The following TNFRSF8 variants were observed in gnomAD, a reference collection of about 807,000 sequenced individuals.
TNFRSF8 encodes tumor necrosis factor receptor superfamily member 8.
A neutral mutation model predicts 70.8 loss-of-function variants in TNFRSF8; 26 were observed. That is an observed-to-expected ratio of 0.37 (90% confidence interval 0.27 to 0.51). The LOEUF (loss-of-function observed/expected upper bound fraction) is 0.51. TNFRSF8 is among the 20% of genes least tolerant of loss of function. The pLI is 0.94. For synonymous variants in TNFRSF8, 356 were observed against 339.2 expected (o/e 1.05, Z -0.54); for missense variants, 720 against 807.9 (o/e 0.89, Z 1.32).
rs1319325003 is a variant in TNFRSF8 at position 12,123,366 on chromosome 1, G to A, written c.1029G>A (p.Glu343=). The A allele has an allele frequency of 2.5e-6, 4 of 1,609,896 alleles. No individual in the cohort carries two copies. In the East Asian group the frequency reaches 8.9e-5, roughly 36 times the overall value. The change falls in exon 9 of 15, where the codon GAG becomes GAA. Residue 343 remains glutamate (E), a synonymous_variant. Coordinates refer to ENST00000263932, the MANE Select transcript of TNFRSF8 (RefSeq NM_001243.5). ...PDCNPTPENG[E]APASTSPTQS... The stretch of plus-strand genomic sequence containing the variant: ...GCAACCCCACCCCAGAGAATGGCGA[G>A]GCGCCTGCCAGGTGACTCCCCCACC...
At chr1:12,134,293 G>C (rs1391634860) in intron 12 of TNFRSF8, among the ~76,000 whole-genome samples, 1 of 152,164 alleles carries the variant, frequency 6.6e-6, no homozygotes, top group Admixed American at 6.5e-5. Context: ...CCTGACAACA[G>C]CATATTCCAG....
At chr1:12,102,422 C>T (rs863640) in intron 3 of TNFRSF8, among the ~76,000 whole-genome samples, 1,617 of 152,300 alleles carry the variant, frequency 0.011, 24 homozygotes, top group African/African-American at 0.037. Context: ...CTCTGCCTTC[C>T]GTATTTCGGG....
At chr1:12,106,678 C>T (rs533645283) in intron 4 of TNFRSF8, among the ~76,000 whole-genome samples, 7 of 152,112 alleles carry the variant, frequency 4.6e-5, no homozygotes, top group African/African-American at 1.7e-4. Flanking sequence ...ATTCCAGGGT[C>T]GGGGGAGAGC....
intron 12 of TNFRSF8, among the ~76,000 whole-genome samples, chr1:12,132,166 C>T (rs1350834691): frequency 1.3e-5 from 2 of 152,226 alleles, no homozygotes; most frequent in East Asian, 3.8e-4. Flanking sequence ...GCCCCACACC[C>T]AGTTTCCTCT....
Position 12,088,874 on chromosome 1 carries a change from C to T in TNFRSF8, c.151+4323C>T, listed in dbSNP as rs764879077. 4.6e-5 allele frequency among the ~76,000 whole-genome samples: 7 copies of T among 152,180 alleles called. No homozygotes were observed. Among genetic ancestry groups the T allele is most frequent in the Non-Finnish European group, 5.9e-5 (4 of 68,018 alleles). On this transcript the variant is annotated intron_variant, in intron 2 of 14. Transcript: ENST00000263932. This position sits in a 1 kb window ranked among gnomAD's most constrained non-coding sequence, Gnocchi z 4.0. ...TTGGCATGACAGCTGCTGCCCCTGC[C>T]GCCTCCCCCTCCCCCGCCCAGTCCC...
intron 10 of TNFRSF8, among the ~76,000 whole-genome samples, chr1:12,124,150 G>A (rs191306260): frequency 1.8e-4 from 27 of 152,148 alleles, no homozygotes; most frequent in Admixed American, 7.2e-4. Context: ...GTTTACAGGC[G>A]CTTGCCACCA....
chr1:12,104,713 C>T (rs2100996114), intron 4 of TNFRSF8, among the ~76,000 whole-genome samples, 182 bp downstream of exon 4: 1 of 152,340 alleles, frequency 6.6e-6, no homozygotes, highest in African/African-American at 2.4e-5. Context: ...CTGCCCTCCC[C>T]CACCTTGTGT....
intron 1 of TNFRSF8, among the ~76,000 whole-genome samples, chr1:12,072,988 G>A (rs563805354): frequency 1.3e-5 from 2 of 152,338 alleles, no homozygotes; most frequent in African/African-American, 4.8e-5. Flanking sequence ...AGAGGGAGGT[G>A]GGCAAGGAAA....
intron 12 of TNFRSF8, among the ~76,000 whole-genome samples, chr1:12,130,816 A>G (rs1642034386): frequency 1.3e-5 from 2 of 152,260 alleles, no homozygotes; most frequent in Admixed American, 6.5e-5. Context: ...TCCAAAAGGC[A>G]AGGAAACCAA....
At chr1:12,101,577 T>C (rs1641423649) in intron 3 of TNFRSF8, among the ~76,000 whole-genome samples, 1 of 152,220 alleles carries the variant, frequency 6.6e-6, no homozygotes, top group East Asian at 1.9e-4. Context: ...GGTTTGTTTA[T>C]ACCAACATCT....
chr1:12,079,669 A>G (rs1333455785), intron 1 of TNFRSF8, among the ~76,000 whole-genome samples: 1 of 152,158 alleles, frequency 6.6e-6, no homozygotes, highest in Non-Finnish European at 1.5e-5. Flanking sequence ...ATGGGGCCCT[A>G]AGTCCTCTGC....
At chr1:12,084,331 A>G in intron 1 of TNFRSF8, 133 bp from the exon 2 acceptor site, 1 of 801,078 alleles carries the variant, frequency 1.2e-6, no homozygotes. Context: ...GGGTTTGTGG[A>G]ATCAGGAGTT....
intron 1 of TNFRSF8, among the ~76,000 whole-genome samples, chr1:12,070,158 G>A (rs1216013833): frequency 9.2e-6 from 1 of 109,152 alleles, no homozygotes; most frequent in African/African-American, 3.4e-5. Flanking sequence ...GGGGCTGGGG[G>A]ATTGGGGGGA....
At chr1:12,140,365 C>CA (rs1428595920) in intron 14 of TNFRSF8, among the ~76,000 whole-genome samples, 1 of 152,210 alleles carries the variant, frequency 6.6e-6, no homozygotes, top group Non-Finnish European at 1.5e-5. Context: ...AGAGGGGTCA[C>CA]ACTGGGGTCT....
intron 12 of TNFRSF8, among the ~76,000 whole-genome samples, chr1:12,129,887 G>A (rs1430408632): frequency 6.6e-6 from 1 of 152,078 alleles, no homozygotes. Flanking sequence ...TTCTTCAGCA[G>A]ACCTTCATTT....
At chr1:12,075,953 C>T (rs939002822) in intron 1 of TNFRSF8, among the ~76,000 whole-genome samples, 1 of 152,202 alleles carries the variant, frequency 6.6e-6, no homozygotes, top group Non-Finnish European at 1.5e-5. Flanking sequence ...TCCCAGCATA[C>T]AGTAAAACTC....
At position 12,142,298 on chromosome 1, in the gene TNFRSF8, A is replaced by G. The variant is rs533572434; in HGVS notation, c.1555A>G (p.Ile519Val). The change falls in exon 15 of 15, where the codon ATC (isoleucine) becomes GTC (valine). Residue 519 changes from isoleucine to valine, a missense_variant. Transcript: ENST00000263932. This position sits in a 1 kb window ranked among gnomAD's most constrained non-coding sequence, Gnocchi z 5.0. The part of the protein sequence containing the change: ...HTNNKIEKIY[I>V]MKADTVIVGT... ...CTTTTGCCTTGCAGAGAAAATCTAC[A>G]TCATGAAGGCTGACACCGTGATCGT... 1.9e-6 allele frequency: 3 copies of G among 1,594,672 alleles called. No individual in the cohort carries two copies. In the East Asian group the frequency reaches 6.8e-5, roughly 36 times the overall value.
Position 12,119,352 on chromosome 1 carries a change from G to A in TNFRSF8, c.946+3623G>A, listed in dbSNP as rs1641789922. Reference sequence around the variant, plus strand: ...GTGCTCCAGGCGTCTCCCCCACAGTGGCAGCCTCAATTTCTCTGTGCACCT... The same window carrying A: ...GTGCTCCAGGCGTCTCCCCCACAGTAGCAGCCTCAATTTCTCTGTGCACCT... On this transcript the variant is annotated intron_variant, in intron 8 of 14. Coordinates refer to ENST00000263932, the MANE Select transcript of TNFRSF8 (RefSeq NM_001243.5). This position sits in a 1 kb window ranked among gnomAD's most constrained non-coding sequence, Gnocchi z 4.4. Among the ~76,000 whole-genome samples, 1 of 152,100 alleles carries A rather than the reference G, an allele frequency of 6.6e-6. No individual in the cohort carries two copies. The highest frequency in any genetic ancestry group is 2.4e-5 in the African/African-American group (1 of 41,416).
chr1:12,126,068 C>T lies in TNFRSF8; in HGVS notation c.1255+16C>T, dbSNP rs746631324. ...ATTCGGCAGAGTAAGTGGCTGTGTC[C>T]TTGGGGCCTTGGGGAGGACAGGTTG... On this transcript the variant is annotated intron_variant, in intron 11 of 14. Transcript: ENST00000263932. 21 of 1,613,058 alleles carry T rather than the reference C, an allele frequency of 1.3e-5. No individual in the cohort carries two copies. The highest frequency in any genetic ancestry group is 8.3e-5 in the Admixed American group (5 of 59,984).
Sources: allele counts gnomAD v4.1 joint callset (sites outside exome capture counted in the v4.1 genomes callset), GRCh38; gene constraint gnomAD v4.1.1; non-coding constraint Gnocchi (gnomAD v3.1); transcripts MANE v1.5; gene names NCBI Gene and HGNC (gene_info 2026-07-23, HGNC 2026-07-21).